Variants in STOX2 observed in about 807,000 individuals in gnomAD.
STOX2 encodes storkhead-box protein 2.
A neutral mutation model predicts 60.9 loss-of-function variants in STOX2; 28 were observed. That is an observed-to-expected ratio of 0.46 (90% CI 0.34 to 0.63). The LOEUF (loss-of-function observed/expected upper bound fraction) is 0.63. Ranked by LOEUF, STOX2 falls within the 30% of genes least tolerant of loss-of-function variation. STOX2 has a pLI of 0.01. For missense variants in STOX2, 1,024 were observed against 1,187.7 expected (o/e 0.86, Z 2.03); for synonymous variants, 472 against 463.9 (o/e 1.02, Z -0.22).
chr4:183,880,865 AT>A (rs569812013), intron 1 of STOX2, among the ~76,000 whole-genome samples: 3 of 150,700 alleles, frequency 2.0e-5, no homozygotes, highest in East Asian at 1.9e-4. Flanking sequence ...TCTGAACAGG[AT>A]TTTTTTTTTC....
intron 1 of STOX2, among the ~76,000 whole-genome samples, chr4:183,851,081 A>AGAAAGGATGAGG (rs1740115738): frequency 6.7e-5 from 4 of 59,356 alleles, no homozygotes; most frequent in Non-Finnish European, 1.3e-4. Flanking sequence ...AAAGGATGAG[A>AGAAAGGATGAGG]GAAAGGATGA....
chr4:183,911,339 G>A (rs1253210570), intron 1 of STOX2, among the ~76,000 whole-genome samples: 1 of 152,150 alleles, frequency 6.6e-6, no homozygotes, highest in Non-Finnish European at 1.5e-5. Context: ...TGAAGACCTG[G>A]CAAGTTATAA....
Position 183,905,588 on chromosome 4 carries a change from C to T in STOX2, c.-1203C>T, listed in dbSNP as rs780799702. ...CTCCCCGTTCCCACGAAGGCTGGCT[C>T]GCTGTCTCTCTCCGAGCGGGAGGGA... On this transcript the variant is annotated 5_prime_UTR_variant, in exon 1 of 4. Transcript: ENST00000308497. 4 of 152,350 alleles carry T rather than the reference C, an allele frequency of 2.6e-5. No homozygotes were observed. Among genetic ancestry groups the T allele is most frequent in the Admixed American group, 6.5e-5 (1 of 15,310 alleles). The allele number at this position is 152,350 out of a possible 1,614,324, so 9.4% of individuals were successfully genotyped here.
chr4:183,937,756 A>G (rs1471296181), intron 1 of STOX2, among the ~76,000 whole-genome samples: 4 of 152,218 alleles, frequency 2.6e-5, no homozygotes, highest in Non-Finnish European at 4.4e-5. Flanking sequence ...TCATCAATAG[A>G]TGATGTACCA....
intron 1 of STOX2, among the ~76,000 whole-genome samples, chr4:183,862,667 A>G (rs919695438): frequency 6.6e-6 from 1 of 152,242 alleles, no homozygotes; most frequent in Non-Finnish European, 1.5e-5. Context: ...AAGCCATGCG[A>G]GAGTCGGCAG....
chr4:183,951,775 C>A (rs888314077), intron 1 of STOX2, among the ~76,000 whole-genome samples: 1 of 152,002 alleles, frequency 6.6e-6, no homozygotes, highest in Non-Finnish European at 1.5e-5. Flanking sequence ...CCCGTCTCTA[C>A]TCAAAAAATA....
chr4:183,919,482 A>G (rs145520249), intron 1 of STOX2, among the ~76,000 whole-genome samples: 164 of 152,244 alleles, frequency 1.1e-3, no homozygotes, highest in African/African-American at 3.8e-3. Flanking sequence ...CCTGGGATGT[A>G]AGCACAGTCT....
chr4:183,950,842 A>G (rs1286446235), intron 1 of STOX2, among the ~76,000 whole-genome samples: 1 of 152,114 alleles, frequency 6.6e-6, no homozygotes, highest in African/African-American at 2.4e-5. Flanking sequence ...CTGCCAAGAG[A>G]TGGAGTTAGG....
chr4:184,010,309 T>C lies in STOX2; in HGVS notation c.1471T>C (p.Ser491Pro). The part of the protein sequence containing the change: ...NERSNKAKER[S>P]RSMDNSKGPL... Reference sequence around the variant, plus strand: ...GAGATCCAACAAAGCCAAGGAGAGATCCAGGTCGATGGATAACTCCAAAGG... The same window carrying C: ...GAGATCCAACAAAGCCAAGGAGAGACCCAGGTCGATGGATAACTCCAAAGG... Residue 491 changes from serine (S) to proline (P), a missense_variant, in exon 3 of 4, where the codon TCC becomes CCC. Transcript: ENST00000308497. The surrounding 1 kb of genome is among the most constrained non-coding windows in gnomAD (Gnocchi z 4.5). The C allele has an allele frequency of 6.2e-7, 1 of 1,601,276 alleles. No homozygotes were observed. Among genetic ancestry groups the C allele is most frequent in the Non-Finnish European group, 8.5e-7 (1 of 1,173,922 alleles).
intron 1 of STOX2, among the ~76,000 whole-genome samples, chr4:183,948,369 A>T (rs1025938176): frequency 6.6e-6 from 1 of 151,878 alleles, no homozygotes; most frequent in Non-Finnish European, 1.5e-5. Context: ...AAACTGATAC[A>T]TAGCATCTTA....
In STOX2 at chr4:183,879,863, A is replaced by G. The variant is rs902514375; in HGVS notation, c.364+81808A>G. Among the ~76,000 whole-genome samples, 3 of 152,108 alleles carry G rather than the reference A, an allele frequency of 2.0e-5. No individual in the cohort carries two copies. The East Asian group carries it at 5.8e-4, about 29-fold the overall frequency. On this transcript the variant is annotated intron_variant, in intron 1 of 2. Transcript: ENST00000513034. ...CGTGGGGGGATGGCGCATGGCAATG[A>G]GAGGCGATAGTACGACATGGTGCAA... is the stretch of plus-strand genomic sequence containing the variant.
intron 1 of STOX2, among the ~76,000 whole-genome samples, chr4:183,837,978 G>A (rs1347767756): frequency 6.6e-6 from 1 of 152,026 alleles, no homozygotes; most frequent in Non-Finnish European, 1.5e-5. Context: ...ATTTTACCTT[G>A]AGTTCTGAGA....
chr4:183,839,804 A>G (rs1739808327), intron 1 of STOX2, among the ~76,000 whole-genome samples: 1 of 152,200 alleles, frequency 6.6e-6, no homozygotes. Flanking sequence ...TGTGGCACCT[A>G]ATGTTGTGCA....
chr4:183,909,706 G>A (rs1350770442), intron 1 of STOX2, among the ~76,000 whole-genome samples: 1 of 152,148 alleles, frequency 6.6e-6, no homozygotes, highest in African/African-American at 2.4e-5. Flanking sequence ...TTTTGGTCTA[G>A]CATCCCGTAC....
chr4:183,964,352 A>G (rs1379583082), intron 1 of STOX2, among the ~76,000 whole-genome samples: 1 of 152,162 alleles, frequency 6.6e-6, no homozygotes, highest in Non-Finnish European at 1.5e-5. Context: ...AGTATGTCAA[A>G]TCCTTTTTTA....
chr4:183,904,511 C>T (rs1477351272), upstream of STOX2, among the ~76,000 whole-genome samples: 1 of 152,188 alleles, frequency 6.6e-6, no homozygotes, highest in Non-Finnish European at 1.5e-5. Flanking sequence ...GGAAAGAAGA[C>T]ATTGAACTAG....
chr4:183,816,174 T>C (rs572613201), intron 1 of STOX2, among the ~76,000 whole-genome samples: 44 of 152,346 alleles, frequency 2.9e-4, no homozygotes, highest in African/African-American at 1.1e-3. Flanking sequence ...ATTGGATATA[T>C]TTTTAAAAGC....
chr4:183,818,852 C>A (rs1183585329), intron 1 of STOX2, among the ~76,000 whole-genome samples: 2 of 151,680 alleles, frequency 1.3e-5, no homozygotes, highest in Non-Finnish European at 2.9e-5. Flanking sequence ...GGCAGAGGCG[C>A]TCCTCACATC....
At chr4:183,907,040 G>A in intron 1 of STOX2, 84 bp downstream of exon 1, 1 of 1,219,660 alleles carries the variant, frequency 8.2e-7, no homozygotes. Flanking sequence ...TTGGAGGAGA[G>A]GACGGGCAGT....
Sources: gnomAD v4.1 joint callset for allele counts (sites outside exome capture counted in the v4.1 genomes callset) on GRCh38, gnomAD v4.1.1 for gene constraint, Gnocchi (gnomAD v3.1) non-coding constraint, MANE v1.5 for transcripts, NCBI Gene and HGNC (gene_info 2026-07-23, HGNC 2026-07-21) for gene names.